The following TNFRSF10B variants were observed in gnomAD, a reference collection of about 807,000 sequenced individuals.
TNFRSF10B encodes the protein tumor necrosis factor receptor superfamily member 10B.
In TNFRSF10B, 35 loss-of-function variants were observed where a neutral mutation model predicts 41.4. The ratio of observed to expected loss-of-function variants is 0.85; its 90% CI spans 0.65 to 1.12. The LOEUF is 1.12. Ranked by LOEUF, TNFRSF10B falls within the 50% of genes most tolerant of loss-of-function variation. The pLI is 0.00. For missense variants in TNFRSF10B, 584 were observed against 552.7 expected (o/e 1.06, Z -0.57); for synonymous variants, 230 against 215.5 (o/e 1.07, Z -0.59).
Position 23,020,447 on chromosome 8 carries a change from G to A in TNFRSF10B, c.*2224C>T, listed in dbSNP as rs1461990109. 2 of 453,966 alleles carry A rather than the reference G, an allele frequency of 4.4e-6. No individual in the cohort carries two copies. Among genetic ancestry groups the A allele is most frequent in the African/African-American group, 2.0e-5 (1 of 49,996 alleles). The allele number at this position is 453,966 out of a possible 1,614,324, so 28.1% of individuals were successfully genotyped here. A position where few individuals can be genotyped will look rare whatever the true frequency, so the allele number is the denominator to read the frequency against. On this transcript the variant is annotated 3_prime_UTR_variant, in exon 9 of 9. Transcript: ENST00000276431. ...CTGGTGGCTCACGCCTGTAATCCCAGCACTTTCGGAGGCCAAGGTGGATCA... is the reference window on the plus strand; with the variant it reads ...CTGGTGGCTCACGCCTGTAATCCCAACACTTTCGGAGGCCAAGGTGGATCA...
chr8:23,040,006 A>G (rs1043750865), intron 2 of TNFRSF10B, among the ~76,000 whole-genome samples: 1 of 151,980 alleles, frequency 6.6e-6, no homozygotes, highest in Non-Finnish European at 1.5e-5. Flanking sequence ...AGCCTGACCA[A>G]CATGGTAAAA....
chr8:23,056,086 C>T (rs552324786), intron 1 of TNFRSF10B, among the ~76,000 whole-genome samples: 1 of 152,056 alleles, frequency 6.6e-6, no homozygotes, highest in Non-Finnish European at 1.5e-5. Context: ...TCAGTTTGGT[C>T]CAGGAACAGT....
intron 2 of TNFRSF10B, among the ~76,000 whole-genome samples, chr8:23,042,098 A>AC (rs1812219352): frequency 6.6e-6 from 1 of 152,118 alleles, no homozygotes; most frequent in Non-Finnish European, 1.5e-5. Context: ...TCATCCATCC[A>AC]CACCCCAAAT....
Position 23,046,955 on chromosome 8 carries a change from C to T in TNFRSF10B, c.145-3712G>A, listed in dbSNP as rs182497021. ...CTTACACCATATACAAAAATCAACT[C>T]AAAATGGATTAAAGACTTAAATATA... On this transcript the variant is annotated intron_variant, in intron 1 of 8. Transcript: ENST00000276431. 1.3e-3 allele frequency among the ~76,000 whole-genome samples: 194 copies of T among 152,238 alleles called. 4 individuals are homozygous for T. Among genetic ancestry groups the T allele is most frequent in the Admixed American group, 8.0e-3 (122 of 15,290 alleles).
intron 1 of TNFRSF10B, among the ~76,000 whole-genome samples, chr8:23,050,683 T>C (rs1812499432): frequency 6.6e-6 from 1 of 152,188 alleles, no homozygotes; most frequent in Admixed American, 6.5e-5. Flanking sequence ...GAAAAAATTG[T>C]TTAAGTGCAC....
rs144941132 is a variant in TNFRSF10B, at chr8:23,055,615, A to C, written c.145-12372T>G. ...TTTGCTTAGGCCTTTCCTGGGCCTT[A>C]AAGCATGACAAAATAATGGAGGAAT... On this transcript the variant is annotated intron_variant, in intron 1 of 8. Coordinates refer to ENST00000276431, the MANE Select transcript of TNFRSF10B (RefSeq NM_003842.5). Among the ~76,000 whole-genome samples the C allele has an allele frequency of 8.9e-3, 1,347 of 152,064 alleles. 26 individuals carry two copies. The highest frequency in any genetic ancestry group is 0.031 in the African/African-American group (1,295 of 41,466).
chr8:23,057,928 T>C (rs1812718771), intron 1 of TNFRSF10B, among the ~76,000 whole-genome samples: 1 of 152,210 alleles, frequency 6.6e-6, no homozygotes, highest in Non-Finnish European at 1.5e-5. Flanking sequence ...CATTTGCTCC[T>C]ACTATACCTG....
chr8:23,045,405 CA>C (rs1415738033), intron 1 of TNFRSF10B, among the ~76,000 whole-genome samples: 1 of 152,150 alleles, frequency 6.6e-6, no homozygotes, highest in Admixed American at 6.5e-5. Context: ...AAAATCCGAA[CA>C]GACCAATAAT....
chr8:23,029,697 G>A lies in TNFRSF10B; in HGVS notation c.389C>T (p.Thr130Ile). 6.2e-7 allele frequency: 1 copy of A among 1,613,954 alleles called. No homozygotes were observed. Among genetic ancestry groups the A allele is most frequent in the African/African-American group, 1.3e-5 (1 of 75,060 alleles). The change falls in exon 4 of 9, where the codon ACC (threonine) becomes ATC (isoleucine). Residue 130 changes from threonine (T) to isoleucine (I), a missense_variant. Coordinates refer to ENST00000276431, the MANE Select transcript of TNFRSF10B (RefSeq NM_003842.5). ...CTGACACACTGTGTTTCTGGTCGTG[G>A]TGCAGGGACTTAGCTCCACTTCACC... ...DSGEVELSPCTTTRNTVCQCE... is the reference protein window; with the variant it reads ...DSGEVELSPCITTRNTVCQCE...
At chr8:23,046,888 A>C (rs1812380892) in intron 1 of TNFRSF10B, among the ~76,000 whole-genome samples, 1 of 152,182 alleles carries the variant, frequency 6.6e-6, no homozygotes. Flanking sequence ...GTGTTAGGAA[A>C]GCTGGATATC....
At chr8:23,058,597 T>G (rs1428198200) in intron 1 of TNFRSF10B, among the ~76,000 whole-genome samples, 2 of 152,058 alleles carry the variant, frequency 1.3e-5, no homozygotes. Context: ...GCGATTCTCC[T>G]GCCTCAGCTT....
At chr8:23,029,956 G>A (rs1018076435) in intron 3 of TNFRSF10B, among the ~76,000 whole-genome samples, 2 of 152,210 alleles carry the variant, frequency 1.3e-5, no homozygotes, top group South Asian at 4.1e-4. Context: ...CATTAGATTA[G>A]GGGAAAGCAC....
chr8:23,056,540 A>G (rs35896080), intron 1 of TNFRSF10B, among the ~76,000 whole-genome samples: 35,052 of 151,502 alleles, frequency 0.23, 4,412 homozygotes, highest in Non-Finnish European at 0.28. Context: ...AATCCCAGCT[A>G]CTCAGGAGGC....
chr8:23,045,386 A>C (rs1812329979), intron 1 of TNFRSF10B, among the ~76,000 whole-genome samples: 1 of 152,226 alleles, frequency 6.6e-6, no homozygotes, highest in Non-Finnish European at 1.5e-5. Flanking sequence ...CTGAATCATG[A>C]AGAAATGGAA....
intron 1 of TNFRSF10B, among the ~76,000 whole-genome samples, chr8:23,059,052 G>A (rs1409224929): frequency 6.6e-5 from 10 of 151,948 alleles, no homozygotes; most frequent in Non-Finnish European, 1.3e-4. Context: ...TTCTACTGTT[G>A]GTTTTTATGA....
chr8:23,058,709 TC>T (rs1812740459), intron 1 of TNFRSF10B, among the ~76,000 whole-genome samples: 1 of 152,152 alleles, frequency 6.6e-6, no homozygotes, highest in African/African-American at 2.4e-5. Context: ...GATCTTGAAC[TC>T]CCAATCTCAG....
At chr8:23,040,148 T>C (rs1812128371) in intron 2 of TNFRSF10B, among the ~76,000 whole-genome samples, 3 of 150,686 alleles carry the variant, frequency 2.0e-5, no homozygotes, top group South Asian at 4.2e-4. Flanking sequence ...ACCACTGCAC[T>C]CCAGCCTGGG....
rs1284087861 is a variant in TNFRSF10B, at chr8:23,041,119, C to T, written c.250+2019G>A. ...TGTCACCCAGGCTGAAGTGCAATGG[C>T]GTGATCTCAGCTCACTGCAACCTCT... On this transcript the variant is annotated intron_variant, in intron 2 of 8. Transcript: ENST00000276431. Among the ~76,000 whole-genome samples the T allele has an allele frequency of 8.7e-5, 13 of 149,994 alleles. No individual in the cohort carries two copies. The East Asian group carries it at 2.2e-3, about 25-fold the overall frequency.
chr8:23,037,966 T>G (rs1812070132), intron 2 of TNFRSF10B, among the ~76,000 whole-genome samples: 1 of 152,192 alleles, frequency 6.6e-6, no homozygotes, highest in South Asian at 2.1e-4. Context: ...GGAGGAATGA[T>G]TCCATGAGGA....
Sources: allele counts gnomAD v4.1 joint callset (sites outside exome capture counted in the v4.1 genomes callset), GRCh38; gene constraint gnomAD v4.1.1; transcripts MANE v1.5; gene names NCBI Gene and HGNC (gene_info 2026-07-23, HGNC 2026-07-21).